The following GSE1 variants were observed in gnomAD, a reference collection of about 807,000 sequenced individuals.
GSE1 encodes genetic suppressor element 1.
Under a neutral mutation model 112.6 loss-of-function variants are expected in GSE1, and 32 were observed. That is an observed-to-expected ratio of 0.28 (90% confidence interval 0.21 to 0.38). The LOEUF (loss-of-function observed/expected upper bound fraction) is 0.38, where lower values mean the gene tolerates loss of function less well. Ranked by LOEUF, GSE1 falls within the 10% of genes least tolerant of loss-of-function variation. GSE1 has a pLI of 1.00. For synonymous variants in GSE1, 1,115 were observed against 735.6 expected, an observed-to-expected ratio of 1.52 and a Z score of -8.35; for missense variants, 2,348 against 1,699.2, an observed-to-expected ratio of 1.38 and a Z score of -6.71.
intron 1 of GSE1, among the ~76,000 whole-genome samples, chr16:85,259,087 G>A (rs1285587074): frequency 2.0e-5 from 3 of 152,164 alleles, no homozygotes; most frequent in Non-Finnish European, 4.4e-5. Flanking sequence ...CTCTGCCCGG[G>A]CAGGATAGGG....
At chr16:85,368,865 C>T (rs1469481916) in intron 2 of GSE1, among the ~76,000 whole-genome samples, 1 of 152,136 alleles carries the variant, frequency 6.6e-6, no homozygotes, top group East Asian at 1.9e-4. Context: ...ATGGGTCCCC[C>T]TCCCTAGGGC....
At chr16:85,446,639 A>G (rs900767) in intron 2 of GSE1, among the ~76,000 whole-genome samples, 130,826 of 152,132 alleles carry the variant, frequency 0.86, 57,797 homozygotes, top group Middle Eastern at 0.97. Context: ...GTGGCTCAGT[A>G]GACGCCATCG....
intron 1 of GSE1, among the ~76,000 whole-genome samples, chr16:85,624,027 T>C (rs138587811): frequency 4.2e-3 from 640 of 152,286 alleles, no homozygotes; most frequent in African/African-American, 0.015. Flanking sequence ...GGGAGCTTGT[T>C]AAACACTCAG....
chr16:85,212,943 C>T (rs1253891811), intron 1 of GSE1, among the ~76,000 whole-genome samples: 1 of 152,152 alleles, frequency 6.6e-6, no homozygotes, highest in African/African-American at 2.4e-5. Flanking sequence ...GCCTGGGCAA[C>T]ATGGCAAGAC....
chr16:85,653,008 C>T (rs936357412), intron 3 of GSE1, among the ~76,000 whole-genome samples: 1 of 151,464 alleles, frequency 6.6e-6, no homozygotes, highest in Non-Finnish European at 1.5e-5. Flanking sequence ...TCAGAGGGGC[C>T]AGCGTGGCCA....
upstream of GSE1, among the ~76,000 whole-genome samples, chr16:85,610,336 G>C (rs1202245155): frequency 6.6e-6 from 1 of 152,238 alleles, no homozygotes; most frequent in East Asian, 1.9e-4. Flanking sequence ...CAGGGAAAGA[G>C]AGCTGTGCCC....
intron 1 of GSE1, among the ~76,000 whole-genome samples, chr16:85,246,261 A>G (rs1157570923): frequency 5.0e-5 from 7 of 138,788 alleles, no homozygotes; most frequent in Admixed American, 2.1e-4. Context: ...CTGTCTACAC[A>G]CACACACACA....
chr16:85,450,303 A>G (rs1417550554), intron 2 of GSE1, among the ~76,000 whole-genome samples: 3 of 150,646 alleles, frequency 2.0e-5, no homozygotes, highest in African/African-American at 7.3e-5. Flanking sequence ...TTTTTAGTAG[A>G]GATGGGGTTT....
Position 85,419,703 on chromosome 16 carries a change from T to G in GSE1, c.2464+62060T>G, listed in dbSNP as rs2048785487. On this transcript the variant is annotated intron_variant, in intron 2 of 2. Transcript: ENST00000637419. The surrounding 1 kb of genome is among the most constrained non-coding windows in gnomAD (Gnocchi z 6.5). ...GGGTGCAGTCGTGTGCAACGGTGAA[T>G]GCACGTTGGAATCAGCTGGGGATCT... Among the ~76,000 whole-genome samples, 2 of 151,970 alleles carry G rather than the reference T, an allele frequency of 1.3e-5. No individual in the cohort carries two copies. Among genetic ancestry groups the G allele is most frequent in the African/African-American group, 4.8e-5 (2 of 41,384 alleles).
chr16:85,194,106 G>A (rs1187168607), intron 1 of GSE1, among the ~76,000 whole-genome samples: 1 of 152,172 alleles, frequency 6.6e-6, no homozygotes, highest in African/African-American at 2.4e-5. Flanking sequence ...CTGACTCAAC[G>A]ACGTAGCAGA....
intron 2 of GSE1, among the ~76,000 whole-genome samples, chr16:85,469,969 G>C (rs2050236272): frequency 6.6e-6 from 1 of 152,182 alleles, no homozygotes. Flanking sequence ...CCCCGCAGTG[G>C]CAACCGTGGA....
chr16:85,331,653 A>ATG (rs1409447646), intron 1 of GSE1, among the ~76,000 whole-genome samples: 4 of 114,990 alleles, frequency 3.5e-5, no homozygotes, highest in Non-Finnish European at 5.3e-5. Flanking sequence ...GTATATATAT[A>ATG]TGTGTATATG....
At chr16:85,594,368 G>T (rs1331982548) in intron 1 of GSE1, 1 of 152,182 alleles carries the variant, frequency 6.6e-6, no homozygotes, top group Non-Finnish European at 1.5e-5. Context: ...CCATCTGTGA[G>T]CCCTGAGTCT....
chr16:85,349,829 C>T (rs1478923139), intron 1 of GSE1, among the ~76,000 whole-genome samples: 4 of 152,206 alleles, frequency 2.6e-5, no homozygotes, highest in African/African-American at 9.7e-5. Context: ...AGCAAACCTC[C>T]CCTCTCTGCC....
At chr16:85,333,914 G>T (rs1224905978) in intron 1 of GSE1, among the ~76,000 whole-genome samples, 1 of 152,224 alleles carries the variant, frequency 6.6e-6, no homozygotes, top group Non-Finnish European at 1.5e-5. Context: ...TGACATTGGG[G>T]ATGTCCCGTG....
At chr16:85,464,577 C>T (rs1299592607) in intron 2 of GSE1, among the ~76,000 whole-genome samples, 2 of 152,178 alleles carry the variant, frequency 1.3e-5, no homozygotes, top group African/African-American at 2.4e-5. Context: ...TCTCTGTTTC[C>T]CCCGAGGGGT....
intron 2 of GSE1, among the ~76,000 whole-genome samples, chr16:85,453,495 C>T (rs906788812): frequency 2.6e-5 from 4 of 152,050 alleles, no homozygotes; most frequent in Non-Finnish European, 5.9e-5. Flanking sequence ...GGTGTGAGGG[C>T]ACCTCTTTCA....
chr16:85,336,940 A>T (rs1247842584), intron 1 of GSE1, among the ~76,000 whole-genome samples: 2 of 152,266 alleles, frequency 1.3e-5, no homozygotes, highest in African/African-American at 4.8e-5. Flanking sequence ...ACACGCTGAC[A>T]TGCACACATG....
intron 2 of GSE1, among the ~76,000 whole-genome samples, chr16:85,367,841 A>ATT (rs2047215640): frequency 2.1e-5 from 2 of 93,484 alleles, no homozygotes; most frequent in Non-Finnish European, 4.4e-5. Context: ...AGGAAATAAG[A>ATT]TTCTTTTTTT....
Sources: gnomAD v4.1 joint callset for allele counts (sites outside exome capture counted in the v4.1 genomes callset) on GRCh38, gnomAD v4.1.1 for gene constraint, Gnocchi (gnomAD v3.1) non-coding constraint, MANE v1.5 for transcripts, NCBI Gene and HGNC (gene_info 2026-07-23, HGNC 2026-07-21) for gene names.